Variants in FMN1 observed in about 807,000 individuals in gnomAD.
The protein encoded by FMN1 is formin-1.
A neutral mutation model predicts 132.4 loss-of-function variants in FMN1; 110 were observed. That is an observed-to-expected ratio of 0.83 (90% CI 0.71 to 0.97). The LOEUF (loss-of-function observed/expected upper bound fraction) is 0.97. FMN1 is among the 50% of genes least tolerant of loss of function. The pLI is 0.00. For synonymous variants in FMN1, 722 were observed against 651.7 expected, an observed-to-expected ratio of 1.11 and a Z score of -1.64; for missense variants, 1,792 against 1,705.3, an observed-to-expected ratio of 1.05 and a Z score of -0.90.
At position 33,154,224 on chromosome 15, in the gene FMN1, G is replaced by T. The variant is rs1964574538; in HGVS notation, c.691C>A (p.Gln231Lys). The T allele has an allele frequency of 2.0e-6, 3 of 1,536,080 alleles. No individual in the cohort carries two copies. The African/African-American group carries it at 4.1e-5, about 21-fold the overall frequency. ...TCTGGGGGGCAGCTCTCTCTCCTCT[G>T]CAGGGAGCAGGCAAGTGCCCCATTC... ...LPNGALACSL[Q>K]RRESCPPDIP... The change falls in exon 4 of 21, where the codon CAG (glutamine) becomes AAG (lysine). Residue 231 changes from glutamine (Q) to lysine (K), a missense_variant. Around this residue, in one of 3 missense-constraint regions of FMN1, gnomAD observed 638 missense variants for 645.2 expected, o/e 0.99. Coordinates refer to ENST00000616417, the MANE Select transcript of FMN1 (RefSeq NM_001277313.2).
intron 3 of FMN1, among the ~76,000 whole-genome samples, chr15:33,179,363 A>G (rs943464387): frequency 2.0e-5 from 3 of 152,342 alleles, no homozygotes; most frequent in Admixed American, 6.5e-5. Flanking sequence ...AATGAAAGGT[A>G]TGATTTCAGG....
chr15:32,992,585 A>G (rs924044354), intron 7 of FMN1, among the ~76,000 whole-genome samples: 9 of 152,224 alleles, frequency 5.9e-5, no homozygotes, highest in African/African-American at 1.4e-4. Flanking sequence ...TGGGAGAAAT[A>G]AAGAAAATGT....
At chr15:32,988,587 T>C (rs1314635251) in intron 7 of FMN1, among the ~76,000 whole-genome samples, 4 of 152,204 alleles carry the variant, frequency 2.6e-5, no homozygotes, top group Admixed American at 6.5e-5. Flanking sequence ...GCATAAATGA[T>C]GGGGCAATGG....
chr15:32,864,816 A>G (rs2059353968), intron 16 of FMN1, among the ~76,000 whole-genome samples: 1 of 152,224 alleles, frequency 6.6e-6, no homozygotes, highest in Non-Finnish European at 1.5e-5. Context: ...CTTAGTGAAT[A>G]GAGCTTTAGT....
chr15:32,839,616 G>C (rs1013936782), intron 17 of FMN1, among the ~76,000 whole-genome samples: 13 of 152,140 alleles, frequency 8.5e-5, no homozygotes, highest in Middle Eastern at 3.4e-3. Flanking sequence ...TTGGCTTCTT[G>C]AGACAAGAGA....
chr15:33,064,881 G>A, intron 6 of FMN1, 76 bp downstream of exon 6: 2 of 977,352 alleles, frequency 2.0e-6, no homozygotes, highest in Non-Finnish European at 3.1e-6. Context: ...CAAATTCTGA[G>A]AGTCAACTAA....
chr15:33,080,169 G>A (rs1262873468), intron 5 of FMN1, among the ~76,000 whole-genome samples: 2 of 152,152 alleles, frequency 1.3e-5, no homozygotes, highest in African/African-American at 4.8e-5. Context: ...AGCTTTAAGG[G>A]GTAGACTCTT....
intron 7 of FMN1, among the ~76,000 whole-genome samples, chr15:32,975,025 C>T (rs1177809477): frequency 6.6e-6 from 1 of 152,212 alleles, no homozygotes; most frequent in African/African-American, 2.4e-5. Context: ...TATACCACTA[C>T]AGATAACCAA....
intron 4 of FMN1, among the ~76,000 whole-genome samples, chr15:33,095,949 A>C (rs1234743856): frequency 1.3e-5 from 2 of 152,048 alleles, no homozygotes; most frequent in African/African-American, 4.8e-5. Flanking sequence ...TTCCAAAAAG[A>C]AATGATCCTA....
At chr15:32,800,782 T>C (rs564515708) in intron 18 of FMN1, among the ~76,000 whole-genome samples, 89 of 152,364 alleles carry the variant, frequency 5.8e-4, no homozygotes, top group African/African-American at 2.0e-3. Flanking sequence ...CTGTTGCTCA[T>C]GCTCAATAAC....
chr15:33,117,889 C>T (rs757925472), intron 4 of FMN1, among the ~76,000 whole-genome samples: 1 of 152,138 alleles, frequency 6.6e-6, no homozygotes, highest in African/African-American at 2.4e-5. Context: ...CATTCAAATG[C>T]CTGTTCTTCA....
At chr15:32,862,763 G>C (rs1004589502) in intron 16 of FMN1, among the ~76,000 whole-genome samples, 4 of 152,184 alleles carry the variant, frequency 2.6e-5, no homozygotes, top group Non-Finnish European at 5.9e-5. Context: ...TATGAAACTT[G>C]TTTCTTTTTG....
chr15:32,800,828 C>G (rs964416657), intron 18 of FMN1, among the ~76,000 whole-genome samples: 2 of 152,218 alleles, frequency 1.3e-5, no homozygotes, highest in Non-Finnish European at 2.9e-5. Context: ...CGTTCTACCC[C>G]ACCCTTTTCT....
intron 9 of FMN1, among the ~76,000 whole-genome samples, chr15:32,959,572 C>G (rs1219682290): frequency 2.0e-5 from 3 of 152,200 alleles, no homozygotes; most frequent in Admixed American, 1.3e-4. Context: ...AAAGCAAGCA[C>G]TACACAAGTG....
intron 17 of FMN1, among the ~76,000 whole-genome samples, chr15:32,835,297 A>G (rs1257867212): frequency 6.6e-6 from 1 of 152,210 alleles, no homozygotes; most frequent in African/African-American, 2.4e-5. Context: ...CTCTTATTTT[A>G]TTATTTTTTC....
chr15:32,998,384 G>A (rs2033902260), intron 7 of FMN1, among the ~76,000 whole-genome samples: 1 of 152,210 alleles, frequency 6.6e-6, no homozygotes, highest in Non-Finnish European at 1.5e-5. Flanking sequence ...TAGGACTTTG[G>A]ATTGAGTTGG....
chr15:32,855,882 C>G (rs747476935), intron 17 of FMN1, among the ~76,000 whole-genome samples: 2 of 152,162 alleles, frequency 1.3e-5, no homozygotes, highest in African/African-American at 4.8e-5. Flanking sequence ...CTCCTATAGT[C>G]ACATAGCACA....
At chr15:32,984,978 C>CAAAAAAAAAAAAAAAAAAAAAAAAAAA (rs11330959) in intron 7 of FMN1, among the ~76,000 whole-genome samples, 60 of 97,240 alleles carry the variant, frequency 6.2e-4, no homozygotes, top group South Asian at 1.5e-3. Flanking sequence ...CATCCATCAC[C>CAAAAAAAAAAAAAAAAAAAAAAAAAAA]AAAAAAAAAA....
rs1216108349 is a variant in FMN1, at chr15:32,804,322, CTCT to C, written c.3936_3938del (p.Glu1313del). On this transcript the variant is annotated inframe_deletion, in exon 18 of 21. Transcript: ENST00000616417. ...CCAAGTGACTTTCTTCCATCTTATGCTCTTTTTTGGCTGTAAAAGATAAATCAT... is the reference window on the plus strand; with the variant it reads ...CCAAGTGACTTTCTTCCATCTTATGCTTTTTGGCTGTAAAAGATAAATCAT... The C allele has an allele frequency of 1.3e-6, 2 of 1,562,546 alleles. No homozygotes were observed. The highest frequency in any genetic ancestry group is 1.9e-5 in the Admixed American group (1 of 52,374).
Sources: gnomAD v4.1 joint callset for allele counts (sites outside exome capture counted in the v4.1 genomes callset) on GRCh38, gnomAD v4.1.1 for gene constraint, gnomAD v4.1.1 regional missense constraint, MANE v1.5 for transcripts, NCBI Gene and HGNC (gene_info 2026-07-23, HGNC 2026-07-21) for gene names.